The following PSMC3 variants were observed in gnomAD, a reference collection of about 807,000 sequenced individuals.
The protein encoded by PSMC3 is 26S proteasome regulatory subunit 6A.
In PSMC3, 11 loss-of-function variants were observed where a neutral mutation model predicts 52.0. That is an observed-to-expected ratio of 0.21 (90% CI 0.13 to 0.35). The LOEUF is 0.35. PSMC3 is among the 10% of genes least tolerant of loss of function. The pLI, the probability that PSMC3 is intolerant of heterozygous loss-of-function variation, is 1.00. For synonymous variants in PSMC3, 201 were observed against 218.8 expected, an observed-to-expected ratio of 0.92 and a Z score of 0.72; for missense variants, 238 against 567.1, an observed-to-expected ratio of 0.42 and a Z score of 5.89.
In PSMC3 at chr11:47,422,549, C is replaced by T. The variant is rs1680906547; in HGVS notation, c.884+25G>A. 6.2e-7 allele frequency: 1 copy of T among 1,613,414 alleles called. No homozygotes were observed. The highest frequency in any genetic ancestry group is 1.3e-5 in the African/African-American group (1 of 75,030). ...CTTCCCCTTACCGCCACAGAGATCGCTAGGGACCCTTGGCCCTCCCTTACC... is the reference window on the plus strand; with the variant it reads ...CTTCCCCTTACCGCCACAGAGATCGTTAGGGACCCTTGGCCCTCCCTTACC... On this transcript the variant is annotated intron_variant, in intron 8 of 11. Coordinates refer to ENST00000298852, the MANE Select transcript of PSMC3 (RefSeq NM_002804.5). This position sits in a 1 kb window ranked among gnomAD's most constrained non-coding sequence, Gnocchi z 4.3.
chr11:47,422,560 T>C lies in PSMC3; in HGVS notation c.884+14A>G, dbSNP rs754817180. 6.2e-7 allele frequency: 1 copy of C among 1,613,860 alleles called. No individual in the cohort carries two copies. Among genetic ancestry groups the C allele is most frequent in the Admixed American group, 1.7e-5 (1 of 60,004 alleles). Reference sequence around the variant, plus strand: ...CGCCACAGAGATCGCTAGGGACCCTTGGCCCTCCCTTACCGCTTGGTGCCG... The same window carrying C: ...CGCCACAGAGATCGCTAGGGACCCTCGGCCCTCCCTTACCGCTTGGTGCCG... On this transcript the variant is annotated intron_variant, in intron 8 of 11. Transcript: ENST00000298852. The surrounding 1 kb of genome is among the most constrained non-coding windows in gnomAD (Gnocchi z 4.3).
At chr11:47,423,969 G>A (rs1480318850) in intron 6 of PSMC3, 77 bp downstream of exon 6, 2 of 1,596,176 alleles carry the variant, frequency 1.3e-6, no homozygotes, top group East Asian at 4.5e-5. Context: ...AGACACATTA[G>A]GGAGATGAGC....
rs1173913999 is a variant in PSMC3 at position 47,424,892 on chromosome 11, G to A, written c.286-181C>T. Among the ~76,000 whole-genome samples, 1 of 152,114 alleles carries A rather than the reference G, an allele frequency of 6.6e-6. No individual in the cohort carries two copies. Among genetic ancestry groups the A allele is most frequent in the African/African-American group, 2.4e-5 (1 of 41,392 alleles). On this transcript the variant is annotated intron_variant, in intron 3 of 11. Coordinates refer to ENST00000298852, the MANE Select transcript of PSMC3 (RefSeq NM_002804.5). The surrounding 1 kb of genome is among the most constrained non-coding windows in gnomAD (Gnocchi z 4.8). ...ATCTCTGTGTAGGTGCTGCTCCTCT[G>A]CACAGGGCTCATCTACCCCGGAGGA...
rs2096041527 is a variant in PSMC3 at position 47,422,289 on chromosome 11, G to A, written c.884+285C>T. 6.6e-6 allele frequency among the ~76,000 whole-genome samples: 1 copy of A among 152,110 alleles called. No individual in the cohort carries two copies. Among genetic ancestry groups the A allele is most frequent in the African/African-American group, 2.4e-5 (1 of 41,430 alleles). On this transcript the variant is annotated intron_variant, in intron 8 of 11. Coordinates refer to ENST00000298852, the MANE Select transcript of PSMC3 (RefSeq NM_002804.5). This position sits in a 1 kb window ranked among gnomAD's most constrained non-coding sequence, Gnocchi z 4.3. ...GATCTCCTGACCTCGTGATCCGCCT[G>A]CCTCGGCCTCCCAAAGTGCTGGGAT...
Position 47,418,962 on chromosome 11 carries a change from C to CAA in PSMC3, c.1210-18_1210-17insTT, listed in dbSNP as rs774826997. On this transcript the variant is annotated splice_polypyrimidine_tract_variant and intron_variant, in intron 11 of 11. Coordinates refer to ENST00000298852, the MANE Select transcript of PSMC3 (RefSeq NM_002804.5). ...GATCATGCCCTACAGCCGGGACAAA[C>CAA]AGAGTCTAGGTCTGAACGCCTGAAT... The CAA allele has an allele frequency of 3.1e-6, 5 of 1,613,518 alleles. No individual in the cohort carries two copies. The Admixed American group carries it at 8.3e-5, about 27-fold the overall frequency.
chr11:47,420,636 C>G lies in PSMC3; in HGVS notation c.976G>C (p.Val326Leu), dbSNP rs368385342. The G allele has an allele frequency of 6.4e-7, 1 of 1,552,098 alleles. No homozygotes were observed. The highest frequency in any genetic ancestry group is 1.4e-5 in the African/African-American group (1 of 73,110). ...CTGGGAGTGCTAATACTCACCTTAA[C>G]TTGGGTGTTGGGCTGGAAGCCATCC... ...QLDGFQPNTQ[V>L]KVIAATNRVD... The change falls in exon 9 of 12, where the codon GTT becomes CTT. Residue 326 changes from valine (V) to leucine (L), a missense_variant. Val to Leu is a conservative substitution (Grantham distance 32). Transcript: ENST00000298852.
chr11:47,419,687 G>A (rs1473525042), intron 10 of PSMC3, among the ~76,000 whole-genome samples: 13 of 152,036 alleles, frequency 8.6e-5, no homozygotes, highest in African/African-American at 2.9e-4. Flanking sequence ...GTGAAACCTC[G>A]TCTCTACTAA....
chr11:47,423,260 C>T (rs1179292473), intron 6 of PSMC3, among the ~76,000 whole-genome samples: 1 of 151,928 alleles, frequency 6.6e-6, no homozygotes, highest in Non-Finnish European at 1.5e-5. Flanking sequence ...ATTAGCCGGG[C>T]GGGGTGGTCG....
Position 47,424,531 on chromosome 11 carries a change from C to G in PSMC3, c.391-40G>C, listed in dbSNP as rs1463144647. On this transcript the variant is annotated intron_variant, in intron 4 of 11. Coordinates refer to ENST00000298852, the MANE Select transcript of PSMC3 (RefSeq NM_002804.5). The surrounding 1 kb of genome is among the most constrained non-coding windows in gnomAD (Gnocchi z 4.8). ...CAGGGGCAGTCTCAGTTAGTGTCCT[C>G]AGGGAAGGCTCCCTAGTCCTGTCCC... 5.6e-6 allele frequency: 9 copies of G among 1,610,344 alleles called. No individual in the cohort carries two copies. The highest frequency in any genetic ancestry group is 7.6e-6 in the Non-Finnish European group (9 of 1,176,702).
chr11:47,418,994 C>T (rs745517173), intron 11 of PSMC3, 49 bp from the exon 12 acceptor site: 49 of 1,608,206 alleles, frequency 3.0e-5, no homozygotes, highest in Middle Eastern at 1.6e-4. Flanking sequence ...GAATGCCTTC[C>T]CTGGCTCCCT....
chr11:47,420,073 GGGCCCT>G (rs2096038556), intron 10 of PSMC3, among the ~76,000 whole-genome samples, 185 bp downstream of exon 10: 1 of 152,198 alleles, frequency 6.6e-6, no homozygotes, highest in South Asian at 2.1e-4. Context: ...ATTACGACAT[GGGCCCT>G]GGCAAGACGC....
chr11:47,419,013 G>C, intron 11 of PSMC3, 68 bp from the exon 12 acceptor site: 2 of 1,605,470 alleles, frequency 1.2e-6, no homozygotes, highest in Non-Finnish European at 1.7e-6. Context: ...CTGAGGCTCA[G>C]GCCTCTTCCC....
At position 47,424,435 on chromosome 11, in the gene PSMC3, G is replaced by A; in HGVS notation, c.447C>T (p.Asp149=). Residue 149 remains aspartate, a synonymous_variant, in exon 5 of 12, where the codon GAC becomes GAT. Transcript: ENST00000298852. The surrounding 1 kb of genome is among the most constrained non-coding windows in gnomAD (Gnocchi z 4.8). The stretch of plus-strand genomic sequence containing the variant: ...GGGCTCAGGCCCCACTCACCACCAG[G>A]TCTCCTGGCTTTAGCTTTTCAGCAT... ...LVDAEKLKPG[D]LVGVNKDSYL... is the part of the protein sequence containing the mutation. 1 of 1,614,164 alleles carries A rather than the reference G, an allele frequency of 6.2e-7. No homozygotes were observed. The highest frequency in any genetic ancestry group is 8.5e-7 in the Non-Finnish European group (1 of 1,179,994).
Position 47,422,566 on chromosome 11 carries a change from T to G in PSMC3, c.884+8A>C, listed in dbSNP as rs749475701. The G allele has an allele frequency of 6.2e-7, 1 of 1,613,878 alleles. No homozygotes were observed. The highest frequency in any genetic ancestry group is 1.1e-5 in the South Asian group (1 of 91,078). On this transcript the variant is annotated splice_region_variant and intron_variant, in intron 8 of 11. Transcript: ENST00000298852. The surrounding 1 kb of genome is among the most constrained non-coding windows in gnomAD (Gnocchi z 4.3). ...AGAGATCGCTAGGGACCCTTGGCCC[T>G]CCCTTACCGCTTGGTGCCGATGGCA...
At chr11:47,423,848 G>A (rs1019775263) in intron 6 of PSMC3, among the ~76,000 whole-genome samples, 198 bp downstream of exon 6, 4 of 150,534 alleles carry the variant, frequency 2.7e-5, no homozygotes, top group Non-Finnish European at 5.9e-5. Flanking sequence ...TCCAGTCCTG[G>A]CTCTGGTCTC....
In PSMC3 at chr11:47,424,333, G is replaced by A; in HGVS notation, c.453+96C>T. On this transcript the variant is annotated intron_variant, in intron 5 of 11. Coordinates refer to ENST00000298852, the MANE Select transcript of PSMC3 (RefSeq NM_002804.5). This position sits in a 1 kb window ranked among gnomAD's most constrained non-coding sequence, Gnocchi z 4.8. ...GACAGAATCCCAGACTCTCGGAGCT[G>A]TTCTGCCAAGATTCAGAGCCAACAG... 1 of 1,559,214 alleles carries A rather than the reference G, an allele frequency of 6.4e-7. No homozygotes were observed. Among genetic ancestry groups the A allele is most frequent in the Non-Finnish European group, 8.8e-7 (1 of 1,131,410 alleles).
At chr11:47,425,268 A>G in intron 2 of PSMC3, 22 bp from the exon 3 acceptor site, 1 of 1,613,450 alleles carries the variant, frequency 6.2e-7, no homozygotes, top group Non-Finnish European at 8.5e-7. Context: ...AGGGGAGGAG[A>G]AGCAAATATA....
At chr11:47,419,741 C>T (rs1418815213) in intron 10 of PSMC3, among the ~76,000 whole-genome samples, 1 of 152,026 alleles carries the variant, frequency 6.6e-6, no homozygotes, top group Non-Finnish European at 1.5e-5. Flanking sequence ...CGCCTGTAGT[C>T]CCAGCTACTC....
Position 47,426,363 on chromosome 11 carries a change from A to C in PSMC3, c.-84T>G. The C allele has an allele frequency of 3.1e-6, 4 of 1,275,226 alleles. No homozygotes were observed. Among genetic ancestry groups the C allele is most frequent in the Non-Finnish European group, 3.2e-6 (3 of 927,146 alleles). The allele number at this position is 1,275,226 out of a possible 1,614,324, so 79.0% of individuals were successfully genotyped here. On this transcript the variant is annotated 5_prime_UTR_variant, in exon 1 of 12. Coordinates refer to ENST00000298852, the MANE Select transcript of PSMC3 (RefSeq NM_002804.5). ...CCGTCTTTCTTAAAGCCTTCTCTTG[A>C]CCAGTGGAAAACCTCTCCCCACAAA...
Sources: gnomAD v4.1 joint callset for allele counts (sites outside exome capture counted in the v4.1 genomes callset) on GRCh38, gnomAD v4.1.1 for gene constraint, Gnocchi (gnomAD v3.1) non-coding constraint, MANE v1.5 for transcripts, NCBI Gene and HGNC (gene_info 2026-07-23, HGNC 2026-07-21) for gene names.